The following KCND2 variants were observed in gnomAD, a reference collection of about 807,000 sequenced individuals.
KCND2 encodes the protein potassium voltage-gated channel subfamily D member 2, also known as A-type voltage-gated potassium channel KCND2.
KCND2 carries 16 observed loss-of-function variants against 54.4 expected under a neutral mutation model. The observed-to-expected ratio is 0.29, with a 90% confidence interval of 0.20 to 0.45. The LOEUF (loss-of-function observed/expected upper bound fraction) is 0.45, where lower values mean the gene tolerates loss of function less well. KCND2 is among the 20% of genes least tolerant of loss of function. KCND2 has a pLI of 1.00. For missense variants in KCND2, 486 were observed against 824.2 expected (o/e 0.59, Z 5.02); for synonymous variants, 317 against 310.7 (o/e 1.02, Z -0.21).
chr7:120,285,428 T>A (rs1799325369), intron 1 of KCND2, among the ~76,000 whole-genome samples: 1 of 152,102 alleles, frequency 6.6e-6, no homozygotes, highest in Admixed American at 6.5e-5. Context: ...GTCTTTTTGT[T>A]CATATTGTCT....
intron 1 of KCND2, among the ~76,000 whole-genome samples, chr7:120,688,205 C>G (rs1033671941): frequency 2.3e-4 from 35 of 152,122 alleles, no homozygotes; most frequent in African/African-American, 7.7e-4. Context: ...AAATTATACT[C>G]TATACTAAGG....
At chr7:120,464,560 C>T (rs1802340171) in intron 1 of KCND2, among the ~76,000 whole-genome samples, 1 of 152,178 alleles carries the variant, frequency 6.6e-6, no homozygotes, top group South Asian at 2.1e-4. Context: ...ATCTCACAAT[C>T]CTCTACATCA....
rs548835926 is a variant in KCND2 at position 120,561,038 on chromosome 7, T to C, written c.1116-171865T>C. Among the ~76,000 whole-genome samples, 5 of 152,308 alleles carry C rather than the reference T, an allele frequency of 3.3e-5. No individual in the cohort carries two copies. In the South Asian group the frequency reaches 8.3e-4, roughly 25 times the overall value. On this transcript the variant is annotated intron_variant, in intron 1 of 5. Coordinates refer to ENST00000331113, the MANE Select transcript of KCND2 (RefSeq NM_012281.3). ...AAACAGTAAAACTAATTAACAAATA[T>C]ACCAATATGTTTGTGATCAAACGAT...
chr7:120,517,948 T>C (rs1197380800), intron 1 of KCND2, among the ~76,000 whole-genome samples: 2 of 152,176 alleles, frequency 1.3e-5, no homozygotes, highest in African/African-American at 2.4e-5. Flanking sequence ...TTTTCTTCTC[T>C]GCATTCCCTA....
chr7:120,327,173 A>G (rs930849103), intron 1 of KCND2, among the ~76,000 whole-genome samples: 3 of 152,030 alleles, frequency 2.0e-5, no homozygotes, highest in Non-Finnish European at 4.4e-5. Context: ...TTTTCTGGCA[A>G]TTTACATTCT....
At chr7:120,362,923 A>G (rs1236648472) in intron 1 of KCND2, among the ~76,000 whole-genome samples, 1 of 152,054 alleles carries the variant, frequency 6.6e-6, no homozygotes, top group Non-Finnish European at 1.5e-5. Flanking sequence ...CTAGGAAAGT[A>G]TTAATTGGGA....
chr7:120,727,326 A>G (rs1189365660), intron 1 of KCND2, among the ~76,000 whole-genome samples: 7 of 152,220 alleles, frequency 4.6e-5, no homozygotes, highest in Non-Finnish European at 2.9e-5. Flanking sequence ...AGGTGTCAAT[A>G]ACATTTGGTT....
At chr7:120,327,891 T>C (rs1349753485) in intron 1 of KCND2, among the ~76,000 whole-genome samples, 3 of 152,158 alleles carry the variant, frequency 2.0e-5, no homozygotes, top group African/African-American at 7.2e-5. Context: ...TATAAGATGT[T>C]CCATGTTCTG....
chr7:120,655,044 G>T (rs998707403), intron 1 of KCND2, among the ~76,000 whole-genome samples: 1 of 151,422 alleles, frequency 6.6e-6, no homozygotes. Context: ...CTAAAACACA[G>T]AATATCATCC....
intron 2 of KCND2, among the ~76,000 whole-genome samples, chr7:120,733,382 G>T (rs1163789361): frequency 6.6e-6 from 1 of 152,112 alleles, no homozygotes; most frequent in Non-Finnish European, 1.5e-5. Context: ...GTCCCTCCTG[G>T]AAGTGGTTTG....
At chr7:120,633,937 A>T (rs1307601559) in intron 1 of KCND2, among the ~76,000 whole-genome samples, 3 of 152,214 alleles carry the variant, frequency 2.0e-5, no homozygotes, top group Admixed American at 6.5e-5. Context: ...AAATTGCAGC[A>T]TTTGGCAAAT....
At chr7:120,323,501 A>G (rs1423539333) in intron 1 of KCND2, among the ~76,000 whole-genome samples, 1 of 131,936 alleles carries the variant, frequency 7.6e-6, no homozygotes, top group Non-Finnish European at 1.6e-5. Context: ...TCCTGTGTCC[A>G]TGTGATCTCA....
intron 1 of KCND2, among the ~76,000 whole-genome samples, chr7:120,572,438 C>T (rs1584833644): frequency 6.6e-6 from 1 of 152,040 alleles, no homozygotes; most frequent in South Asian, 2.1e-4. Flanking sequence ...ATGCCTTATG[C>T]GTATGTCAGG....
chr7:120,402,859 A>G (rs1801285207), intron 1 of KCND2, among the ~76,000 whole-genome samples: 1 of 152,226 alleles, frequency 6.6e-6, no homozygotes, highest in African/African-American at 2.4e-5. Context: ...AATGAAGATT[A>G]AACATCTTCT....
chr7:120,325,067 G>A (rs1478463817), intron 1 of KCND2, among the ~76,000 whole-genome samples: 1 of 145,670 alleles, frequency 6.9e-6, no homozygotes, highest in Non-Finnish European at 1.5e-5. Flanking sequence ...AAGCAATTGT[G>A]AATGGGAGTT....
At chr7:120,369,683 A>T (rs1800739131) in intron 1 of KCND2, among the ~76,000 whole-genome samples, 1 of 151,964 alleles carries the variant, frequency 6.6e-6, no homozygotes, top group Admixed American at 6.6e-5. Context: ...TTAGATGTTA[A>T]CTTTCCATAA....
At chr7:120,587,591 A>C (rs1021166848) in intron 1 of KCND2, among the ~76,000 whole-genome samples, 2 of 152,178 alleles carry the variant, frequency 1.3e-5, no homozygotes, top group Non-Finnish European at 2.9e-5. Flanking sequence ...AAAAAAATCA[A>C]ATGTATCAGA....
chr7:120,386,647 T>A (rs898362520), intron 1 of KCND2, among the ~76,000 whole-genome samples: 6 of 152,160 alleles, frequency 3.9e-5, no homozygotes, highest in African/African-American at 1.4e-4. Context: ...CCTTTCTTAG[T>A]TTTTTAACCT....
intron 1 of KCND2, among the ~76,000 whole-genome samples, chr7:120,309,811 A>G (rs1472890134): frequency 6.6e-6 from 1 of 152,140 alleles, no homozygotes; most frequent in African/African-American, 2.4e-5. Flanking sequence ...CTCTCTGTAT[A>G]CAATAAAACT....
Sources: gnomAD v4.1 joint callset for allele counts (sites outside exome capture counted in the v4.1 genomes callset) on GRCh38, gnomAD v4.1.1 for gene constraint, MANE v1.5 for transcripts, NCBI Gene and HGNC (gene_info 2026-07-23, HGNC 2026-07-21) for gene names.